Variants in GABPB1 observed in about 807,000 individuals in gnomAD.
GABPB1 encodes the protein GA binding protein transcription factor subunit beta 1.
GABPB1 carries 15 observed loss-of-function variants against 45.9 expected under a neutral mutation model. The ratio of observed to expected loss-of-function variants is 0.33; its 90% CI spans 0.22 to 0.50. GABPB1 has a LOEUF of 0.50. Ranked by LOEUF, GABPB1 falls within the 20% of genes least tolerant of loss-of-function variation. GABPB1 has a pLI of 0.98. For missense variants in GABPB1, 252 were observed against 457.5 expected, an observed-to-expected ratio of 0.55 and a Z score of 4.10; for synonymous variants, 143 against 154.4, an observed-to-expected ratio of 0.93 and a Z score of 0.55.
chr15:50,287,843 G>A (rs2046218537), intron 7 of GABPB1, among the ~76,000 whole-genome samples: 1 of 152,182 alleles, frequency 6.6e-6, no homozygotes, highest in Non-Finnish European at 1.5e-5. Context: ...TCAGCAGAGT[G>A]GGACAGAATG....
intron 5 of GABPB1, 152 bp downstream of exon 5, chr15:50,301,105 G>A: frequency 1.7e-6 from 2 of 1,168,576 alleles, no homozygotes; most frequent in Non-Finnish European, 2.4e-6. Flanking sequence ...TTATACCAAA[G>A]AAAACAAAGG....
In GABPB1 at chr15:50,293,856, G is replaced by A. The variant is rs146767966; in HGVS notation, c.698-4188C>T. ...GAAAAATTAAAAGGAAACAAATTAC[G>A]TAAGACAAAGTGCCCCCCAGAAGCC... On this transcript the variant is annotated intron_variant, in intron 6 of 8. Transcript: ENST00000380877. 5.9e-3 allele frequency among the ~76,000 whole-genome samples: 899 copies of A among 152,092 alleles called. 9 individuals carry two copies. The highest frequency in any genetic ancestry group is 0.021 in the African/African-American group (853 of 41,496).
chr15:50,300,084 G>C (rs923449850), intron 6 of GABPB1, among the ~76,000 whole-genome samples: 2 of 152,166 alleles, frequency 1.3e-5, no homozygotes, highest in African/African-American at 4.8e-5. Context: ...TAGGATTACA[G>C]GTGTGAGCTA....
chr15:50,302,524 G>A (rs540627227), intron 4 of GABPB1, among the ~76,000 whole-genome samples: 1 of 151,214 alleles, frequency 6.6e-6, no homozygotes, highest in Non-Finnish European at 1.5e-5. Context: ...TGCACCTGTA[G>A]TCCCAGCTAT....
chr15:50,330,568 T>C (rs1434531057), intron 1 of GABPB1, among the ~76,000 whole-genome samples: 2 of 145,984 alleles, frequency 1.4e-5, no homozygotes, highest in Non-Finnish European at 2.9e-5. Flanking sequence ...GACCCAATTC[T>C]CCTTCCTCAT....
At chr15:50,354,828 CG>C (rs2049035596) in intron 1 of GABPB1, 156 bp downstream of exon 1, 1 of 231,102 alleles carries the variant, frequency 4.3e-6, no homozygotes, top group Non-Finnish European at 8.6e-6. Context: ...GCGGAATAAG[CG>C]GGGCCAGGAG....
At chr15:50,345,184 C>T (rs914526718) in intron 1 of GABPB1, among the ~76,000 whole-genome samples, 6 of 152,060 alleles carry the variant, frequency 3.9e-5, no homozygotes, top group Non-Finnish European at 5.9e-5. Context: ...CTAACACAAA[C>T]GGCAAGGAGA....
At chr15:50,312,143 G>A (rs1050278738) in intron 1 of GABPB1, among the ~76,000 whole-genome samples, 6 of 151,894 alleles carry the variant, frequency 4.0e-5, no homozygotes, top group African/African-American at 1.5e-4. Flanking sequence ...TCAGGTGTTC[G>A]AGACCAGCCC....
chr15:50,316,820 T>C (rs1215309215), intron 1 of GABPB1, among the ~76,000 whole-genome samples: 3 of 152,182 alleles, frequency 2.0e-5, no homozygotes, highest in Non-Finnish European at 4.4e-5. Context: ...ATGAACAATT[T>C]GTAGTATATA....
chr15:50,303,735 C>G (rs113926128), intron 3 of GABPB1, among the ~76,000 whole-genome samples: 9 of 150,526 alleles, frequency 6.0e-5, no homozygotes, highest in African/African-American at 2.2e-4. Context: ...TAAGATAGAC[C>G]AAGGTCCAAG....
At chr15:50,301,157 T>C (rs146323262) in intron 5 of GABPB1, 100 bp downstream of exon 5, 15 of 1,483,164 alleles carry the variant, frequency 1.0e-5, no homozygotes, top group African/African-American at 1.4e-5. Context: ...CCGTCCTTTC[T>C]TACAAGGATG....
At chr15:50,353,459 C>T (rs1481585618) in intron 1 of GABPB1, 2 of 151,472 alleles carry the variant, frequency 1.3e-5, no homozygotes, top group Non-Finnish European at 2.9e-5. Context: ...CTAACCACAA[C>T]AGTCTGACGT....
In GABPB1 at chr15:50,335,693, T is replaced by C. The variant is rs931457053; in HGVS notation, c.-1+19292A>G. On this transcript the variant is annotated intron_variant, in intron 1 of 8. Coordinates refer to ENST00000380877, the MANE Select transcript of GABPB1 (RefSeq NM_016654.5). The stretch of plus-strand genomic sequence containing the variant: ...GCGGGTGGATCATGAGGTCAGGAGT[T>C]CAAGATCAGCCTGGCCAACATGGTG... Among the ~76,000 whole-genome samples, 4 of 150,974 alleles carry C rather than the reference T, an allele frequency of 2.6e-5. No individual in the cohort carries two copies. In the East Asian group the frequency reaches 5.9e-4, roughly 22 times the overall value.
intron 1 of GABPB1, among the ~76,000 whole-genome samples, chr15:50,310,573 A>G (rs1212579980): frequency 6.6e-6 from 1 of 152,256 alleles, no homozygotes; most frequent in Admixed American, 6.5e-5. Context: ...TTAAAAAACA[A>G]ATTTTCTGCC....
chr15:50,281,851 T>C (rs12591072), intron 8 of GABPB1, among the ~76,000 whole-genome samples: 10,834 of 152,170 alleles, frequency 0.071, 652 homozygotes, highest in East Asian at 0.2. Context: ...CCTGTAATCC[T>C]AGTATTTTGG....
chr15:50,313,614 T>C (rs1263319644), intron 1 of GABPB1, among the ~76,000 whole-genome samples: 1 of 152,098 alleles, frequency 6.6e-6, no homozygotes, highest in East Asian at 1.9e-4. Flanking sequence ...AGAAAATGAT[T>C]GAATTGTAGA....
chr15:50,299,296 G>A (rs559415411), intron 6 of GABPB1, among the ~76,000 whole-genome samples: 11 of 152,090 alleles, frequency 7.2e-5, no homozygotes, highest in East Asian at 1.9e-4. Context: ...AAATTTTACC[G>A]ACATAATAAT....
chr15:50,340,547 C>CAAA (rs397853899), intron 1 of GABPB1, among the ~76,000 whole-genome samples: 1 of 110,792 alleles, frequency 9.0e-6, no homozygotes, highest in Non-Finnish European at 1.8e-5. Flanking sequence ...CTATAATCAC[C>CAAA]AAAAAAAAAA....
chr15:50,316,712 T>C (rs568528665), intron 1 of GABPB1, among the ~76,000 whole-genome samples: 1 of 152,170 alleles, frequency 6.6e-6, no homozygotes, highest in South Asian at 2.1e-4. Context: ...TCAATACTAA[T>C]GTTATTTAAA....
Sources: allele counts gnomAD v4.1 joint callset (sites outside exome capture counted in the v4.1 genomes callset), GRCh38; gene constraint gnomAD v4.1.1; transcripts MANE v1.5; gene names NCBI Gene and HGNC (gene_info 2026-07-23, HGNC 2026-07-21).